FARS2: variants seen among roughly 807,000 people sequenced by gnomAD.
FARS2 encodes phenylalanyl-tRNA synthetase 2, mitochondrial, also known as phenylalanine--tRNA ligase, mitochondrial.
FARS2 carries 40 observed loss-of-function variants against 46.4 expected under a neutral mutation model. That is an observed-to-expected ratio of 0.86 (90% CI 0.67 to 1.12). The LOEUF (loss-of-function observed/expected upper bound fraction) is 1.12. Among genes scored for constraint, FARS2 ranks in the 50% most tolerant of loss-of-function variants. The probability of loss-of-function intolerance (pLI) is 0.00; values close to 1 mark genes in which losing one functional copy is unlikely to be tolerated. For missense variants in FARS2, 513 were observed against 567.9 expected (o/e 0.90, Z 0.98); for synonymous variants, 234 against 214.9 (o/e 1.09, Z -0.78).
At chr6:5,346,028 G>A (rs561797226) in intron 1 of FARS2, among the ~76,000 whole-genome samples, 1 of 152,320 alleles carries the variant, frequency 6.6e-6, no homozygotes, top group African/African-American at 2.4e-5. Context: ...GAGCAGGCCT[G>A]GAGCAGCAGT....
chr6:5,423,770 G>C (rs977643923), intron 3 of FARS2, among the ~76,000 whole-genome samples: 1 of 152,120 alleles, frequency 6.6e-6, no homozygotes, highest in Non-Finnish European at 1.5e-5. Context: ...CAGGGTACAT[G>C]GTTGTGTGGA....
intron 6 of FARS2, among the ~76,000 whole-genome samples, chr6:5,641,281 C>T (rs1776803958): frequency 6.7e-6 from 1 of 149,680 alleles, no homozygotes; most frequent in Non-Finnish European, 1.5e-5. Flanking sequence ...CACGTGTCCC[C>T]AGTTTATTTT....
At chr6:5,377,243 C>G (rs1005697940) in intron 2 of FARS2, among the ~76,000 whole-genome samples, 1 of 152,224 alleles carries the variant, frequency 6.6e-6, no homozygotes, top group Non-Finnish European at 1.5e-5. Flanking sequence ...TTTTCCCACT[C>G]TCCCTGGTGG....
At chr6:5,521,908 G>A (rs1769163933) in intron 4 of FARS2, among the ~76,000 whole-genome samples, 1 of 152,170 alleles carries the variant, frequency 6.6e-6, no homozygotes, top group Non-Finnish European at 1.5e-5. Flanking sequence ...TAAGTGAAAA[G>A]TATATAATTA....
At chr6:5,759,985 G>A (rs139616497) in intron 6 of FARS2, among the ~76,000 whole-genome samples, 2 of 152,304 alleles carry the variant, frequency 1.3e-5, no homozygotes, top group African/African-American at 4.8e-5. Context: ...CGGAGGAGGT[G>A]CATCCTACCA....
At chr6:5,387,139 C>T (rs142884191) in intron 2 of FARS2, among the ~76,000 whole-genome samples, 98 of 152,042 alleles carry the variant, frequency 6.4e-4, no homozygotes, top group African/African-American at 2.1e-3. Flanking sequence ...TTTGTTGGAC[C>T]GTTTGTTTAA....
At chr6:5,650,279 T>C (rs1438702252) in intron 6 of FARS2, among the ~76,000 whole-genome samples, 5 of 84,528 alleles carry the variant, frequency 5.9e-5, no homozygotes, top group Admixed American at 5.0e-4. Context: ...TTTTTTTTTT[T>C]GAGACAGAGT....
intron 4 of FARS2, among the ~76,000 whole-genome samples, chr6:5,484,170 A>T (rs371543215): frequency 2.0e-5 from 3 of 152,182 alleles, no homozygotes; most frequent in East Asian, 1.9e-4. Flanking sequence ...TGATTCCATT[A>T]TTTCTGGATG....
chr6:5,488,689 G>A (rs1365126841), intron 4 of FARS2, among the ~76,000 whole-genome samples: 3 of 137,838 alleles, frequency 2.2e-5, no homozygotes, highest in African/African-American at 8.0e-5. Context: ...TAGAAATCTC[G>A]TGTCTTTGCA....
intron 6 of FARS2, among the ~76,000 whole-genome samples, chr6:5,736,979 G>C (rs4959355): frequency 0.63 from 95,312 of 152,012 alleles, 30,052 homozygotes; most frequent in East Asian, 0.81. Flanking sequence ...CCACACTAAG[G>C]CAGATTATTT....
At chr6:5,606,420 A>G (rs1262725061) in intron 5 of FARS2, among the ~76,000 whole-genome samples, 1 of 152,062 alleles carries the variant, frequency 6.6e-6, no homozygotes, top group African/African-American at 2.4e-5. Context: ...TTTGTGTCCT[A>G]CCAAATTATT....
intron 1 of FARS2, among the ~76,000 whole-genome samples, chr6:5,335,459 A>G (rs1771087833): frequency 6.6e-6 from 1 of 152,160 alleles, no homozygotes; most frequent in Non-Finnish European, 1.5e-5. Context: ...GCACTTACAT[A>G]TTGATGTTAT....
intron 4 of FARS2, among the ~76,000 whole-genome samples, chr6:5,453,796 G>A (rs1265120071): frequency 6.6e-6 from 1 of 152,168 alleles, no homozygotes; most frequent in African/African-American, 2.4e-5. Context: ...CAGTGCCAGT[G>A]GGTAGTCTAG....
At chr6:5,766,757 T>C (rs1013180852) in intron 6 of FARS2, among the ~76,000 whole-genome samples, 1 of 152,172 alleles carries the variant, frequency 6.6e-6, no homozygotes, top group African/African-American at 2.4e-5. Flanking sequence ...CCATCACCTC[T>C]ATCTAGTTGT....
intron 6 of FARS2, among the ~76,000 whole-genome samples, chr6:5,716,676 A>T (rs1759511001): frequency 6.6e-6 from 1 of 152,186 alleles, no homozygotes; most frequent in East Asian, 1.9e-4. Context: ...AATTCAGGGA[A>T]CCCACAACTC....
At chr6:5,342,234 C>T (rs1260475106) in intron 1 of FARS2, among the ~76,000 whole-genome samples, 1 of 152,198 alleles carries the variant, frequency 6.6e-6, no homozygotes, top group Non-Finnish European at 1.5e-5. Context: ...GACTTCCATG[C>T]ATCAGCTGAT....
intron 6 of FARS2, among the ~76,000 whole-genome samples, chr6:5,626,774 A>C (rs1377583562): frequency 6.6e-6 from 1 of 152,358 alleles, no homozygotes. Flanking sequence ...AACTATAGTC[A>C]TGCATCACTT....
rs77675077 is a variant in FARS2, at chr6:5,562,282, T to C, written c.1065+16942T>C. ...ACTTTTTACGGCATCCTCTTGTCCCTAGGGTGCCCAGTTAAGAAGTGGTCT... is the reference window on the plus strand; with the variant it reads ...ACTTTTTACGGCATCCTCTTGTCCCCAGGGTGCCCAGTTAAGAAGTGGTCT... On this transcript the variant is annotated intron_variant, in intron 5 of 6. Transcript: ENST00000274680. Among the ~76,000 whole-genome samples the C allele has an allele frequency of 1.9e-3, 283 of 151,730 alleles. 6 individuals are homozygous for C. The East Asian group carries it at 0.025, about 14-fold the overall frequency.
At chr6:5,349,462 A>G (rs1274863262) in intron 1 of FARS2, among the ~76,000 whole-genome samples, 2 of 152,130 alleles carry the variant, frequency 1.3e-5, no homozygotes, top group Non-Finnish European at 2.9e-5. Flanking sequence ...TTTTTTTCTT[A>G]CAAACATCCT....
Sources: gnomAD v4.1 joint callset for allele counts (sites outside exome capture counted in the v4.1 genomes callset) on GRCh38, gnomAD v4.1.1 for gene constraint, MANE v1.5 for transcripts, NCBI Gene and HGNC (gene_info 2026-07-23, HGNC 2026-07-21) for gene names.